The following NT5DC3 variants were observed in gnomAD, a reference collection of about 807,000 sequenced individuals.
The protein encoded by NT5DC3 is 5'-nucleotidase domain-containing protein 3.
A neutral mutation model predicts 67.8 loss-of-function variants in NT5DC3; 42 were observed. The ratio of observed to expected loss-of-function variants is 0.62; its 90% CI spans 0.48 to 0.80. The LOEUF (loss-of-function observed/expected upper bound fraction) is 0.80. NT5DC3 is among the 30% of genes least tolerant of loss of function. The pLI is 0.00. For missense variants in NT5DC3, 570 were observed against 696.4 expected (o/e 0.82, Z 2.04); for synonymous variants, 237 against 255.6 (o/e 0.93, Z 0.69).
At chr12:103,813,891 T>G (rs1308969896) in intron 2 of NT5DC3, among the ~76,000 whole-genome samples, 1 of 152,236 alleles carries the variant, frequency 6.6e-6, no homozygotes, top group African/African-American at 2.4e-5. Flanking sequence ...GTAGTTTGCA[T>G]AATTTGGGTT....
the NT5DC3 span, among the ~76,000 whole-genome samples, chr12:103,765,112 G>T: frequency 7.4e-6 from 1 of 135,942 alleles, no homozygotes; most frequent in Non-Finnish European, 1.6e-5. Context: ...AAAAAAAAAA[G>T]GGAGGTGGTA....
intron 2 of NT5DC3, among the ~76,000 whole-genome samples, chr12:103,807,450 C>T (rs1380954098): frequency 2.0e-5 from 3 of 152,328 alleles, no homozygotes; most frequent in South Asian, 4.1e-4. Context: ...CCAGGTTTCA[C>T]GGAGAGCCTT....
the NT5DC3 span, among the ~76,000 whole-genome samples, chr12:103,764,838 G>A: frequency 3.3e-5 from 5 of 151,916 alleles, no homozygotes; most frequent in African/African-American, 1.2e-4. Context: ...TGGCTCATGC[G>A]TGTAATCCCA....
At position 103,841,110 on chromosome 12, in the gene NT5DC3, C is replaced by A; in HGVS notation, c.47G>T (p.Arg16Met). 9.1e-7 allele frequency: 1 copy of A among 1,096,850 alleles called. No individual in the cohort carries two copies. The highest frequency in any genetic ancestry group is 1.2e-6 in the Non-Finnish European group (1 of 849,418). 67.9% of individuals were successfully genotyped at this position (1,096,850 alleles called of 1,614,324 possible). Residue 16 changes from arginine to methionine, a missense_variant, in exon 1 of 14, where the codon AGG becomes ATG. This residue lies in a region of NT5DC3 where 104 missense variants were observed against 88.4 expected (regional missense o/e 1.18). Transcript: ENST00000392876. ...AAVVARGAGARAATAAALRGG... is the reference protein window; with the variant it reads ...AAVVARGAGAMAATAAALRGG... ...CCGCAAAGCCGCCGCTGTCGCTGCC[C>A]TCGCCCCGGCCCCGCGTGCCACCAC...
chr12:103,794,838 G>A (rs1886242916), intron 6 of NT5DC3, among the ~76,000 whole-genome samples: 1 of 152,254 alleles, frequency 6.6e-6, no homozygotes, highest in Admixed American at 6.5e-5. Flanking sequence ...GAGAGGAAGA[G>A]GAGGTGGTTA....
intron 1 of NT5DC3, among the ~76,000 whole-genome samples, chr12:103,831,399 C>A (rs1465756772): frequency 6.6e-6 from 1 of 152,168 alleles, no homozygotes; most frequent in Non-Finnish European, 1.5e-5. Context: ...TCCGGTATTT[C>A]TTCAAAGCAA....
chr12:103,787,504 C>G lies in NT5DC3; in HGVS notation c.1125G>C (p.Lys375Asn), dbSNP rs770244908. The G allele has an allele frequency of 6.3e-7, 1 of 1,597,564 alleles. No homozygotes were observed. The highest frequency in any genetic ancestry group is 8.5e-7 in the Non-Finnish European group (1 of 1,169,654). ...YKQGNLYEFL[K>N]LTGWRGSRVL... Reference sequence around the variant, plus strand: ...CTCTGGATCCTCTCCATCCAGTAAGCTTCAAAAATTCATATAAATTACCCT... The same window carrying G: ...CTCTGGATCCTCTCCATCCAGTAAGGTTCAAAAATTCATATAAATTACCCT... The change falls in exon 11 of 14, where the codon AAG becomes AAC. Residue 375 changes from lysine to asparagine, a missense_variant. Transcript: ENST00000392876.
chr12:103,762,217 C>A, the NT5DC3 span: 23 of 1,598,460 alleles, frequency 1.4e-5, no homozygotes, highest in South Asian at 1.1e-4. Context: ...CCAAGGGTTC[C>A]CCTTTTGGGG....
At chr12:103,758,289 G>A in the NT5DC3 span, 1 of 1,613,266 alleles carries the variant, frequency 6.2e-7, no homozygotes, top group East Asian at 2.2e-5. Flanking sequence ...GGGAGAATGA[G>A]GTGAGTTGAG....
rs1593382720 is a variant in NT5DC3, at chr12:103,782,046, G to T, written c.1330-1682C>A. ...ACAAATGGGTTTTTCTTTTTCAATG[G>T]TTGGGGGAAAAAAAACTCAAAAGAA... On this transcript the variant is annotated intron_variant, in intron 12 of 13. Coordinates refer to ENST00000392876, the MANE Select transcript of NT5DC3 (RefSeq NM_001031701.3). 2.6e-5 allele frequency among the ~76,000 whole-genome samples: 4 copies of T among 152,236 alleles called. No homozygotes were observed. The South Asian group carries it at 8.3e-4, about 32-fold the overall frequency.
At chr12:103,748,880 T>C in the NT5DC3 span, 2 of 1,410,194 alleles carry the variant, frequency 1.4e-6, no homozygotes, top group East Asian at 2.4e-5. Flanking sequence ...ACACCACTAG[T>C]GCTGTGGTGC....
the NT5DC3 span, chr12:103,758,420 G>C: frequency 2.1e-6 from 3 of 1,454,058 alleles, no homozygotes; most frequent in Non-Finnish European, 2.8e-6. Flanking sequence ...CTGCAGATCA[G>C]TTGGCCACTC....
chr12:103,791,261 A>G (rs966907744), intron 9 of NT5DC3, among the ~76,000 whole-genome samples: 2 of 152,100 alleles, frequency 1.3e-5, no homozygotes, highest in African/African-American at 2.4e-5. Context: ...TTTTATAAAC[A>G]TAACAAAGCA....
the NT5DC3 span, chr12:103,746,662 G>A: frequency 1.2e-6 from 2 of 1,614,124 alleles, no homozygotes; most frequent in South Asian, 2.2e-5. Context: ...CAACACGTGT[G>A]AGTGTAACCT....
intron 4 of NT5DC3, among the ~76,000 whole-genome samples, chr12:103,802,600 G>T (rs922529396): frequency 6.6e-6 from 1 of 152,168 alleles, no homozygotes; most frequent in Non-Finnish European, 1.5e-5. Context: ...GGTAGTGCCA[G>T]GGGTCACCAA....
intron 10 of NT5DC3, 131 bp downstream of exon 10, chr12:103,788,707 T>C (rs560559519): frequency 4.0e-5 from 27 of 666,726 alleles, no homozygotes; most frequent in Admixed American, 3.9e-4. Context: ...CACCAAGTTA[T>C]AATCAATCAG....
At chr12:103,803,867 C>A (rs757006340) in intron 4 of NT5DC3, among the ~76,000 whole-genome samples, 2 of 128,030 alleles carry the variant, frequency 1.6e-5, no homozygotes, top group East Asian at 6.9e-4. Context: ...CCACCCCCCC[C>A]CCAAAAAAAT....
chr12:103,809,171 A>T (rs1445333609), intron 2 of NT5DC3, among the ~76,000 whole-genome samples: 2 of 152,244 alleles, frequency 1.3e-5, no homozygotes, highest in African/African-American at 4.8e-5. Context: ...TGACAGCAGC[A>T]CCTGCCACCT....
rs193168766 is a variant in NT5DC3 at position 103,793,199 on chromosome 12, C to T, written c.984G>A (p.Gln328=). ...WRDLFDVVIV[Q]AEKPNFFNDK... is the part of the protein sequence containing the mutation. ...CATTAAAGAAGTTTGGCTTCTCAGC[C>T]TGAACAATGACCACATCGAACAGGT... The change falls in exon 9 of 14, where the codon CAG becomes CAA. Residue 328 remains glutamine, a synonymous_variant. Coordinates refer to ENST00000392876, the MANE Select transcript of NT5DC3 (RefSeq NM_001031701.3). 33 of 1,607,910 alleles carry T rather than the reference C, an allele frequency of 2.1e-5. No individual in the cohort carries two copies. In the African/African-American group the frequency reaches 3.6e-4, roughly 18 times the overall value.
Sources: gnomAD v4.1 joint callset for allele counts (sites outside exome capture counted in the v4.1 genomes callset) on GRCh38, gnomAD v4.1.1 for gene constraint, gnomAD v4.1.1 regional missense constraint, MANE v1.5 for transcripts, NCBI Gene and HGNC (gene_info 2026-07-23, HGNC 2026-07-21) for gene names.